METTL25: variants seen among roughly 807,000 people sequenced by gnomAD.
METTL25 encodes probable methyltransferase-like protein 25.
METTL25 carries 64 observed loss-of-function variants against 71.6 expected under a neutral mutation model. The observed-to-expected ratio is 0.89, with a 90% CI of 0.73 to 1.10. The LOEUF is 1.10. METTL25 is among the 50% of genes least tolerant of loss of function. The pLI is 0.00. For synonymous variants in METTL25, 287 were observed against 250.3 expected (o/e 1.15, Z -1.38); for missense variants, 807 against 707.0 (o/e 1.14, Z -1.60).
chr12:82,436,466 C>T (rs1889922885), intron 7 of METTL25, among the ~76,000 whole-genome samples: 1 of 151,524 alleles, frequency 6.6e-6, no homozygotes, highest in South Asian at 2.1e-4. Flanking sequence ...ATTCCCTTTC[C>T]ACTTACCCAT....
chr12:82,423,459 T>A (rs1592699456), intron 5 of METTL25, among the ~76,000 whole-genome samples: 1 of 152,276 alleles, frequency 6.6e-6, no homozygotes, highest in East Asian at 1.9e-4. Flanking sequence ...ACCTAGGCAA[T>A]ACCATTCAGG....
At chr12:82,388,936 C>T (rs907621919) in intron 2 of METTL25, 1 of 152,064 alleles carries the variant, frequency 6.6e-6, no homozygotes, top group East Asian at 1.9e-4. Flanking sequence ...CAGCACTTAA[C>T]ACCTGGAAAG....
At chr12:82,391,145 A>G (rs1027983159) in intron 3 of METTL25, among the ~76,000 whole-genome samples, 10 of 152,044 alleles carry the variant, frequency 6.6e-5, no homozygotes, top group Non-Finnish European at 1.5e-4. Flanking sequence ...GTTACAGAGT[A>G]GGAGAATGGA....
rs891347148 is a variant in METTL25, at chr12:82,464,844, G to A, written c.1572+8024G>A. On this transcript the variant is annotated intron_variant, in intron 9 of 11. Transcript: ENST00000248306. ...TTTACCTCCTTCGTTAAATTTATTCGTATATATTTTATTTCCTTTATAGCT... is the reference window on the plus strand; with the variant it reads ...TTTACCTCCTTCGTTAAATTTATTCATATATATTTTATTTCCTTTATAGCT... Among the ~76,000 whole-genome samples the A allele has an allele frequency of 5.7e-4, 86 of 150,972 alleles. 1 individual carries two copies. The highest frequency in any genetic ancestry group is 1.8e-4 in the Non-Finnish European group (12 of 67,488).
intron 7 of METTL25, among the ~76,000 whole-genome samples, chr12:82,435,681 G>GA (rs1889865738): frequency 1.3e-5 from 2 of 151,178 alleles, no homozygotes; most frequent in Admixed American, 6.6e-5. Context: ...GTAAAATAGG[G>GA]AAAAAAAGTG....
At chr12:82,385,256 C>T (rs985201423) in intron 1 of METTL25, among the ~76,000 whole-genome samples, 1 of 152,114 alleles carries the variant, frequency 6.6e-6, no homozygotes, top group African/African-American at 2.4e-5. Flanking sequence ...TACAAACCCT[C>T]ATCACTTATC....
intron 5 of METTL25, among the ~76,000 whole-genome samples, chr12:82,422,078 G>A (rs1045079186): frequency 6.6e-6 from 1 of 152,094 alleles, no homozygotes; most frequent in African/African-American, 2.4e-5. Context: ...ACCAAAGCCT[G>A]GCAGAGACAC....
chr12:82,438,033 T>G (rs541341272), intron 7 of METTL25, among the ~76,000 whole-genome samples: 2 of 151,826 alleles, frequency 1.3e-5, no homozygotes, highest in Non-Finnish European at 3.0e-5. Context: ...CTTTCTGCTC[T>G]TTTAAAACAA....
rs772866839 is a variant in METTL25, at chr12:82,399,236, C to T, written c.973C>T (p.Pro325Ser). The change falls in exon 4 of 12, where the codon CCT (proline) becomes TCT (serine). Residue 325 changes from proline to serine, a missense_variant. Coordinates refer to ENST00000248306, the MANE Select transcript of METTL25 (RefSeq NM_032230.3). ...INLLPINAVE[P>S]TSSQQIPNRE... ...CCTTTTGCCTATTAATGCTGTAGAG[C>T]CTACTTCTTCACAGCAAATACCCAA... The T allele has an allele frequency of 6.2e-6, 10 of 1,613,404 alleles. No homozygotes were observed. The Admixed American group carries it at 1.7e-4, about 27-fold the overall frequency.
intron 9 of METTL25, chr12:82,474,401 T>G (rs574820908): frequency 6.6e-6 from 1 of 152,384 alleles, no homozygotes; most frequent in East Asian, 1.9e-4. Context: ...ATCTGTATAT[T>G]CATTGCCTTG....
At chr12:82,422,102 A>T (rs978871675) in intron 5 of METTL25, among the ~76,000 whole-genome samples, 1 of 152,146 alleles carries the variant, frequency 6.6e-6, no homozygotes, top group Admixed American at 6.5e-5. Flanking sequence ...AAAAAAATAG[A>T]ATTTTAGACC....
At chr12:82,402,301 T>A (rs1886696707) in intron 4 of METTL25, among the ~76,000 whole-genome samples, 1 of 152,156 alleles carries the variant, frequency 6.6e-6, no homozygotes, top group African/African-American at 2.4e-5. Flanking sequence ...TTTATAACAA[T>A]ATTTTATAAG....
chr12:82,468,092 T>A (rs1050171445), intron 9 of METTL25, among the ~76,000 whole-genome samples: 3 of 152,032 alleles, frequency 2.0e-5, no homozygotes, highest in African/African-American at 7.2e-5. Flanking sequence ...ATTCTCAAAG[T>A]CTGTATGATT....
At chr12:82,392,883 A>T (rs1033990866) in intron 3 of METTL25, among the ~76,000 whole-genome samples, 1 of 151,854 alleles carries the variant, frequency 6.6e-6, no homozygotes, top group African/African-American at 2.4e-5. Context: ...TACTGAAGAG[A>T]CTGTGCTTAC....
At position 82,475,507 on chromosome 12, in the gene METTL25, G is replaced by GA. The variant is rs149027722; in HGVS notation, c.1573-1127dup. The stretch of plus-strand genomic sequence containing the variant: ...TTCAGAAGAAATTTAGTGCTATTGT[G>GA]AAAAAAAAAAGGACTTTGAAAAAAT... On this transcript the variant is annotated intron_variant, in intron 9 of 11. Coordinates refer to ENST00000248306, the MANE Select transcript of METTL25 (RefSeq NM_032230.3). Among the ~76,000 whole-genome samples the GA allele has an allele frequency of 2.0e-3, 288 of 145,332 alleles. 1 individual carries two copies. The highest frequency in any genetic ancestry group is 5.9e-3 in the African/African-American group (235 of 39,716).
At chr12:82,445,425 G>A (rs1193475788) in intron 8 of METTL25, among the ~76,000 whole-genome samples, 2 of 152,116 alleles carry the variant, frequency 1.3e-5, no homozygotes, top group Non-Finnish European at 2.9e-5. Context: ...ATAGTATATA[G>A]TGTAATAATT....
At chr12:82,364,262 T>G (rs1333864489) in intron 1 of METTL25, among the ~76,000 whole-genome samples, 1 of 152,200 alleles carries the variant, frequency 6.6e-6, no homozygotes, top group Non-Finnish European at 1.5e-5. Flanking sequence ...ATTATCTCAT[T>G]CACATAGGTG....
intron 1 of METTL25, among the ~76,000 whole-genome samples, chr12:82,372,709 A>G (rs1431964873): frequency 6.6e-6 from 1 of 152,080 alleles, no homozygotes; most frequent in Non-Finnish European, 1.5e-5. Context: ...GTGGCTTAGG[A>G]TGCATTTCAA....
Position 82,399,210 on chromosome 12 carries a change from A to G in METTL25, c.947A>G (p.Asn316Ser). 5 of 1,613,264 alleles carry G rather than the reference A, an allele frequency of 3.1e-6. No homozygotes were observed. Among genetic ancestry groups the G allele is most frequent in the Non-Finnish European group, 4.2e-6 (5 of 1,179,666 alleles). ...TTTGAAAATTCCTTTTCTCTTATAA[A>G]CCTTTTGCCTATTAATGCTGTAGAG... Reference protein sequence around the residue: ...LCFENSFSLINLLPINAVEPT... With the variant: ...LCFENSFSLISLLPINAVEPT... The change falls in exon 4 of 12, where the codon AAC (asparagine) becomes AGC (serine). Residue 316 changes from asparagine to serine, a missense_variant. Transcript: ENST00000248306.
Sources: allele counts gnomAD v4.1 joint callset (sites outside exome capture counted in the v4.1 genomes callset), GRCh38; gene constraint gnomAD v4.1.1; transcripts MANE v1.5; gene names NCBI Gene and HGNC (gene_info 2026-07-23, HGNC 2026-07-21).